PMFBP1: variants seen among roughly 807,000 people sequenced by gnomAD.
PMFBP1 encodes polyamine-modulated factor 1-binding protein 1.
PMFBP1 carries 131 observed loss-of-function variants against 137.8 expected under a neutral mutation model. The ratio of observed to expected loss-of-function variants is 0.95; its 90% CI spans 0.82 to 1.10. The LOEUF (loss-of-function observed/expected upper bound fraction) is 1.10. Among genes scored for constraint, PMFBP1 ranks in the 50% least tolerant of loss-of-function variants. PMFBP1 has a pLI of 0.00. For missense variants in PMFBP1, 1,199 were observed against 1,175.4 expected, an observed-to-expected ratio of 1.02 and a Z score of -0.29; for synonymous variants, 490 against 450.4, an observed-to-expected ratio of 1.09 and a Z score of -1.11.
chr16:72,130,188 T>C, intron 12 of PMFBP1, 25 bp downstream of exon 12: 1 of 1,608,662 alleles, frequency 6.2e-7, no homozygotes, highest in Non-Finnish European at 8.5e-7. Flanking sequence ...AGCACTTGAA[T>C]GGGCCATCTG....
chr16:72,234,411 G>A, the PMFBP1 span, among the ~76,000 whole-genome samples: 1 of 152,108 alleles, frequency 6.6e-6, no homozygotes, highest in Non-Finnish European at 1.5e-5. Context: ...GTGTCCCCGA[G>A]TTGACCTATT....
chr16:72,157,535 T>C (rs1422137870), intron 3 of PMFBP1, among the ~76,000 whole-genome samples: 1 of 152,088 alleles, frequency 6.6e-6, no homozygotes, highest in Admixed American at 6.6e-5. Context: ...CACTTTTTTT[T>C]CTGGCTGGAG....
intron 3 of PMFBP1, among the ~76,000 whole-genome samples, chr16:72,158,658 T>C (rs1200019997): frequency 4.6e-5 from 7 of 152,006 alleles, no homozygotes; most frequent in Admixed American, 2.0e-4. Flanking sequence ...CATCCTGTGG[T>C]AGGGTTAATT....
the PMFBP1 span, among the ~76,000 whole-genome samples, chr16:72,195,007 C>A: frequency 6.6e-6 from 1 of 152,222 alleles, no homozygotes; most frequent in Non-Finnish European, 1.5e-5. Context: ...TGGGGATCTG[C>A]AGGTAAATAT....
the PMFBP1 span, among the ~76,000 whole-genome samples, chr16:72,248,505 T>G: frequency 1.3e-5 from 2 of 152,140 alleles, no homozygotes; most frequent in Non-Finnish European, 2.9e-5. Flanking sequence ...ACAAAAGAAA[T>G]TAGGTAGTAT....
At chr16:72,226,798 C>T in the PMFBP1 span, among the ~76,000 whole-genome samples, 2 of 152,178 alleles carry the variant, frequency 1.3e-5, no homozygotes, top group Non-Finnish European at 2.9e-5. Flanking sequence ...AGTCTCGCCA[C>T]AACATGTCAA....
chr16:72,168,638 T>C (rs1597494029), intron 2 of PMFBP1, among the ~76,000 whole-genome samples: 1 of 152,300 alleles, frequency 6.6e-6, no homozygotes, highest in African/African-American at 2.4e-5. Context: ...TCATTAACAA[T>C]GGCTGAAATC....
Position 72,147,776 on chromosome 16 carries a change from A to T in PMFBP1, c.636+2832T>A, listed in dbSNP as rs572280342. On this transcript the variant is annotated intron_variant, in intron 5 of 20. Coordinates refer to ENST00000237353, the MANE Select transcript of PMFBP1 (RefSeq NM_031293.3). ...CCAAGAAAGATATGAAAAAAAGCTCATCATCACCGGTCATTAGAGAAGTGC... is the reference window on the plus strand; with the variant it reads ...CCAAGAAAGATATGAAAAAAAGCTCTTCATCACCGGTCATTAGAGAAGTGC... Among the ~76,000 whole-genome samples, 9 of 152,376 alleles carry T rather than the reference A, an allele frequency of 5.9e-5. No individual in the cohort carries two copies. The South Asian group carries it at 1.9e-3, about 32-fold the overall frequency.
chr16:72,139,435 C>A (rs748387975), intron 6 of PMFBP1, 36 bp from the exon 7 acceptor site: 10 of 1,438,798 alleles, frequency 7.0e-6, no homozygotes, highest in Non-Finnish European at 9.8e-6. Context: ...GCTGGATGAT[C>A]AATGGAACGT....
the PMFBP1 span, among the ~76,000 whole-genome samples, chr16:72,189,591 A>G: frequency 1.3e-5 from 2 of 152,212 alleles, no homozygotes; most frequent in African/African-American, 4.8e-5. Flanking sequence ...CAGAGTCCAC[A>G]GTGTCAGCTG....
chr16:72,128,507 G>A (rs1231677977), intron 14 of PMFBP1, 150 bp downstream of exon 14: 1 of 1,554,472 alleles, frequency 6.4e-7, no homozygotes, highest in African/African-American at 1.4e-5. Context: ...GGTGCCAATG[G>A]GGAGGGAAGT....
Position 72,136,517 on chromosome 16 carries a change from C to T in PMFBP1, c.1134G>A (p.Leu378=). 5.6e-6 allele frequency: 9 copies of T among 1,614,022 alleles called. No individual in the cohort carries two copies. Among genetic ancestry groups the T allele is most frequent in the Non-Finnish European group, 7.6e-6 (9 of 1,179,984 alleles). The change falls in exon 9 of 21, where the codon CTG becomes CTA. Residue 378 remains leucine (L), a synonymous_variant. Coordinates refer to ENST00000237353, the MANE Select transcript of PMFBP1 (RefSeq NM_031293.3). ...IERKDKDITI[L]QCRLQELQLE... is the part of the protein sequence containing the mutation. ...GCTGCAGCTCCTGCAGCCGGCACTG[C>T]AGGATGGTGATGTCCTTATCCTTCC...
Position 72,119,918 on chromosome 16 carries a change from C to A in PMFBP1, c.2940G>T (p.Lys980Asn). The A allele has an allele frequency of 6.2e-7, 1 of 1,614,232 alleles. No homozygotes were observed. Among genetic ancestry groups the A allele is most frequent in the Non-Finnish European group, 8.5e-7 (1 of 1,180,044 alleles). ...REKVCGTLGW[K>N]GLPQDMGQRM... ...TTTGACCCATATCCTGGGGCAACCCCTTCCAGCCCAAGGTGCCGCACACTT... is the reference window on the plus strand; with the variant it reads ...TTTGACCCATATCCTGGGGCAACCCATTCCAGCCCAAGGTGCCGCACACTT... Residue 980 changes from lysine to asparagine, a missense_variant, in exon 20 of 21, where the codon AAG becomes AAT. Coordinates refer to ENST00000237353, the MANE Select transcript of PMFBP1 (RefSeq NM_031293.3).
At chr16:72,187,981 T>C in the PMFBP1 span, among the ~76,000 whole-genome samples, 1 of 152,346 alleles carries the variant, frequency 6.6e-6, no homozygotes, top group South Asian at 2.1e-4. Flanking sequence ...TTTAATACAA[T>C]GTCTCTTTTC....
At chr16:72,200,531 G>C in the PMFBP1 span, among the ~76,000 whole-genome samples, 1 of 152,218 alleles carries the variant, frequency 6.6e-6, no homozygotes, top group African/African-American at 2.4e-5. Flanking sequence ...CTGGAGACCA[G>C]TGAGCCTCAT....
chr16:72,237,166 A>G, the PMFBP1 span, among the ~76,000 whole-genome samples: 1 of 152,196 alleles, frequency 6.6e-6, no homozygotes, highest in Non-Finnish European at 1.5e-5. Context: ...TTGAGCAGAC[A>G]CTGATTCACA....
chr16:72,154,440 G>T lies in PMFBP1; in HGVS notation c.185C>A (p.Ala62Glu), dbSNP rs142162202. The part of the protein sequence containing the change: ...NSSHDKKQAQ[A>E]LAFEESEVEF... Reference sequence around the variant, plus strand: ...CACCTCTGACTCCTCGAATGCTAATGCCTGTGCTTGCTTCTTGTCCTACCA... The same window carrying T: ...CACCTCTGACTCCTCGAATGCTAATTCCTGTGCTTGCTTCTTGTCCTACCA... Residue 62 changes from alanine to glutamate, a missense_variant, in exon 4 of 21, where the codon GCA (alanine) becomes GAA (glutamate). Transcript: ENST00000237353. The T allele has an allele frequency of 3.1e-6, 5 of 1,614,008 alleles. No individual in the cohort carries two copies. Among genetic ancestry groups the T allele is most frequent in the Non-Finnish European group, 3.4e-6 (4 of 1,179,898 alleles).
chr16:72,132,632 T>C, intron 10 of PMFBP1, 116 bp downstream of exon 10: 1 of 1,504,944 alleles, frequency 6.6e-7, no homozygotes, highest in Non-Finnish European at 9.0e-7. Flanking sequence ...AGGTCTGCAG[T>C]GAGACACTGG....
At chr16:72,117,631 G>A (rs1483958172), downstream of PMFBP1, among the ~76,000 whole-genome samples, 4 of 152,246 alleles carry the variant, frequency 2.6e-5, no homozygotes, top group Middle Eastern at 6.8e-3. Flanking sequence ...TGAGTATAAT[G>A]TTTGTTCTGG....
Sources: allele counts gnomAD v4.1 joint callset (sites outside exome capture counted in the v4.1 genomes callset), GRCh38; gene constraint gnomAD v4.1.1; transcripts MANE v1.5; gene names NCBI Gene and HGNC (gene_info 2026-07-23, HGNC 2026-07-21).